FAM227B: variants seen among roughly 807,000 people sequenced by gnomAD.
The protein encoded by FAM227B is protein FAM227B.
Under a neutral mutation model 73.8 loss-of-function variants are expected in FAM227B, and 88 were observed. The observed-to-expected ratio is 1.19, with a 90% confidence interval of 1.00 to 1.42. The LOEUF is 1.42. Among genes scored for constraint, FAM227B ranks in the 40% most tolerant of loss-of-function variants. The pLI is 0.00. For missense variants in FAM227B, 632 were observed against 590.9 expected, an observed-to-expected ratio of 1.07 and a Z score of -0.72; for synonymous variants, 210 against 190.5, an observed-to-expected ratio of 1.10 and a Z score of -0.84.
chr15:49,525,495 T>A (rs996030069), intron 10 of FAM227B, among the ~76,000 whole-genome samples: 3 of 151,568 alleles, frequency 2.0e-5, no homozygotes, highest in African/African-American at 2.4e-5. Flanking sequence ...GAAAACAGAC[T>A]AATAAACCAG....
At chr15:49,429,731 C>T (rs1444245285) in intron 11 of FAM227B, among the ~76,000 whole-genome samples, 1 of 151,904 alleles carries the variant, frequency 6.6e-6, no homozygotes, top group Non-Finnish European at 1.5e-5. Flanking sequence ...GAGGTACAGT[C>T]TGGGCATCAG....
chr15:49,595,887 C>G (rs1049120345), intron 3 of FAM227B, among the ~76,000 whole-genome samples: 1 of 151,832 alleles, frequency 6.6e-6, no homozygotes, highest in Non-Finnish European at 1.5e-5. Context: ...ATCAAGAAGG[C>G]TTTTAAATTG....
intron 13 of FAM227B, among the ~76,000 whole-genome samples, chr15:49,360,830 C>T (rs2044095179): frequency 6.6e-6 from 1 of 152,114 alleles, no homozygotes; most frequent in Non-Finnish European, 1.5e-5. Flanking sequence ...AATAAATATA[C>T]ATTTAAAATC....
intron 11 of FAM227B, among the ~76,000 whole-genome samples, chr15:49,418,723 T>C (rs920233859): frequency 6.6e-6 from 1 of 151,932 alleles, no homozygotes; most frequent in Non-Finnish European, 1.5e-5. Flanking sequence ...CACTGAACCC[T>C]TGTGACATGA....
chr15:49,410,078 A>C (rs188875022), intron 11 of FAM227B, among the ~76,000 whole-genome samples: 6 of 152,184 alleles, frequency 3.9e-5, no homozygotes, highest in Admixed American at 2.6e-4. Flanking sequence ...CACTAGAATT[A>C]TCTAATTATC....
intron 13 of FAM227B, among the ~76,000 whole-genome samples, chr15:49,350,971 T>A (rs774274874): frequency 2.0e-5 from 3 of 152,202 alleles, no homozygotes; most frequent in Non-Finnish European, 2.9e-5. Flanking sequence ...GGCCACCATG[T>A]ACCACTGAGC....
chr15:49,411,521 T>C (rs2048872238), intron 11 of FAM227B, among the ~76,000 whole-genome samples: 2 of 152,034 alleles, frequency 1.3e-5, no homozygotes, highest in Non-Finnish European at 2.9e-5. Flanking sequence ...TATGTCGACA[T>C]GCTGAGTGGT....
At chr15:49,534,232 A>G (rs1205267431) in intron 10 of FAM227B, among the ~76,000 whole-genome samples, 2 of 151,862 alleles carry the variant, frequency 1.3e-5, no homozygotes, top group Non-Finnish European at 2.9e-5. Context: ...CAAATGATTC[A>G]GACACCTCCC....
intron 13 of FAM227B, among the ~76,000 whole-genome samples, chr15:49,358,296 T>C (rs1378856112): frequency 7.9e-6 from 1 of 126,110 alleles, no homozygotes; most frequent in Non-Finnish European, 1.7e-5. Flanking sequence ...GAAGTCAAAT[T>C]GTCCCTGTTT....
At chr15:49,585,523 T>A (rs1261515839) in intron 5 of FAM227B, among the ~76,000 whole-genome samples, 6 of 152,200 alleles carry the variant, frequency 3.9e-5, no homozygotes, top group Non-Finnish European at 4.4e-5. Context: ...TAAAAAATGA[T>A]GAGTTCATGT....
At chr15:49,507,727 G>GA (rs879427797) in intron 11 of FAM227B, among the ~76,000 whole-genome samples, 84 of 150,274 alleles carry the variant, frequency 5.6e-4, no homozygotes, top group East Asian at 4.3e-3. Flanking sequence ...GGATCATTTG[G>GA]AAAAAAAAAA....
Position 49,541,763 on chromosome 15 carries a change from T to C in FAM227B, c.791A>G (p.His264Arg), listed in dbSNP as rs2071096602. Reference sequence around the variant, plus strand: ...GTAACTCGATTCTGGAAATGCTTCATGGAACGTTGCATATATGGCTTGTGC... The same window carrying C: ...GTAACTCGATTCTGGAAATGCTTCACGGAACGTTGCATATATGGCTTGTGC... Reference protein sequence around the residue: ...CLAQAIYATFHEAFPESSYLF... With the variant: ...CLAQAIYATFREAFPESSYLF... The change falls in exon 10 of 16, where the codon CAT becomes CGT. Residue 264 changes from histidine (H) to arginine (R), a missense_variant. Transcript: ENST00000299338. 2 of 1,541,622 alleles carry C rather than the reference T, an allele frequency of 1.3e-6. No individual in the cohort carries two copies. Among genetic ancestry groups the C allele is most frequent in the African/African-American group, 1.4e-5 (1 of 72,166 alleles).
At chr15:49,489,827 T>A (rs1567381605) in intron 11 of FAM227B, among the ~76,000 whole-genome samples, 1 of 49,842 alleles carries the variant, frequency 2.0e-5, no homozygotes, top group Non-Finnish European at 3.4e-5. Flanking sequence ...ATATTTTATA[T>A]ATATATATAT....
intron 13 of FAM227B, among the ~76,000 whole-genome samples, chr15:49,357,193 A>G (rs2043301436): frequency 6.7e-6 from 1 of 149,896 alleles, no homozygotes; most frequent in Non-Finnish European, 1.5e-5. Context: ...GCAAGAGCAA[A>G]CACATTCAAA....
chr15:49,450,217 G>A (rs1297614414), intron 11 of FAM227B, among the ~76,000 whole-genome samples: 1 of 152,094 alleles, frequency 6.6e-6, no homozygotes, highest in Admixed American at 6.6e-5. Flanking sequence ...TCAAGTGACA[G>A]AAGAATAACA....
intron 8 of FAM227B, among the ~76,000 whole-genome samples, chr15:49,571,586 AAC>A (rs760369969): frequency 1.3e-5 from 2 of 151,960 alleles, no homozygotes; most frequent in Non-Finnish European, 2.9e-5. Context: ...TTATCCCAAC[AAC>A]AGTTATTGGA....
intron 9 of FAM227B, among the ~76,000 whole-genome samples, chr15:49,556,358 C>T (rs1396574278): frequency 1.3e-5 from 2 of 152,130 alleles, no homozygotes; most frequent in Non-Finnish European, 2.9e-5. Flanking sequence ...GCTCAGCACT[C>T]CTGGGCAGGG....
chr15:49,355,248 T>C (rs1248823351), intron 13 of FAM227B, among the ~76,000 whole-genome samples: 2 of 152,140 alleles, frequency 1.3e-5, no homozygotes, highest in African/African-American at 2.4e-5. Flanking sequence ...GAGAATGACT[T>C]TGAAGAGCTC....
At chr15:49,619,949 TACTA>T (rs202136969) in intron 1 of FAM227B, among the ~76,000 whole-genome samples, 2,427 of 152,336 alleles carry the variant, frequency 0.016, 25 homozygotes, top group Non-Finnish European at 0.025. Context: ...AGCAGTACTT[TACTA>T]ACTAACACTA....
Sources: allele counts gnomAD v4.1 joint callset (sites outside exome capture counted in the v4.1 genomes callset), GRCh38; gene constraint gnomAD v4.1.1; transcripts MANE v1.5; gene names NCBI Gene and HGNC (gene_info 2026-07-23, HGNC 2026-07-21).